The following DHRS11 variants were observed in gnomAD, a reference collection of about 807,000 sequenced individuals.
The protein encoded by DHRS11 is dehydrogenase/reductase SDR family member 11.
Under a neutral mutation model 30.7 loss-of-function variants are expected in DHRS11, and 18 were observed. That is an observed-to-expected ratio of 0.59 (90% CI 0.41 to 0.87). The LOEUF (loss-of-function observed/expected upper bound fraction) is 0.87. Among genes scored for constraint, DHRS11 ranks in the 40% least tolerant of loss-of-function variants. DHRS11 has a pLI of 0.00. For synonymous variants in DHRS11, 123 were observed against 139.6 expected, an observed-to-expected ratio of 0.88 and a Z score of 0.84; for missense variants, 300 against 349.0, an observed-to-expected ratio of 0.86 and a Z score of 1.12.
intron 3 of DHRS11, 55 bp downstream of exon 3, chr17:36,598,312 G>A (rs371420429): frequency 5.7e-4 from 882 of 1,542,624 alleles, no homozygotes; most frequent in Non-Finnish European, 7.4e-4. Flanking sequence ...GTAATGTGCT[G>A]CAGCTCACCT....
intron 2 of DHRS11, chr17:36,597,821 A>G (rs1009044193): frequency 1.5e-5 from 6 of 395,188 alleles, no homozygotes; most frequent in South Asian, 2.8e-5. Context: ...ATGATTCCCT[A>G]TGGAATTAGA....
At position 36,599,994 on chromosome 17, in the gene DHRS11, C is replaced by T. The variant is rs1329584325; in HGVS notation, c.698C>T (p.Ala233Val). The change falls in exon 6 of 7, where the codon GCC (alanine) becomes GTC (valine). Residue 233 changes from alanine to valine, a missense_variant. Physicochemically the swap from Ala to Val is moderately conservative, Grantham distance 64. Transcript: ENST00000618403. Reference sequence around the variant, plus strand: ...CAGTGTCTCAAACCCGAGGATGTGGCCGAGGCTGTTATCTACGTCCTCAGC... The same window carrying T: ...CAGTGTCTCAAACCCGAGGATGTGGTCGAGGCTGTTATCTACGTCCTCAGC... Reference protein sequence around the residue: ...QMKCLKPEDVAEAVIYVLSTP... With the variant: ...QMKCLKPEDVVEAVIYVLSTP... 6.2e-7 allele frequency: 1 copy of T among 1,613,640 alleles called. No homozygotes were observed. Among genetic ancestry groups the T allele is most frequent in the Non-Finnish European group, 8.5e-7 (1 of 1,179,910 alleles).
chr17:36,595,837 T>G (rs977797969), intron 2 of DHRS11, among the ~76,000 whole-genome samples: 10 of 152,144 alleles, frequency 6.6e-5, no homozygotes, highest in Admixed American at 3.3e-4. Flanking sequence ...GCCTGGGTGC[T>G]TGGGAACGTG....
At chr17:36,593,397 T>G (rs1404576236) in intron 1 of DHRS11, among the ~76,000 whole-genome samples, 2 of 152,130 alleles carry the variant, frequency 1.3e-5, no homozygotes, top group African/African-American at 4.8e-5. Context: ...AGGAAGGCAG[T>G]GACAGGGAGA....
chr17:36,599,079 A>G, intron 4 of DHRS11, 29 bp downstream of exon 4: 1 of 1,605,570 alleles, frequency 6.2e-7, no homozygotes, highest in East Asian at 2.2e-5. Context: ...CCTGGTGGGC[A>G]CAGGGTGGCG....
chr17:36,598,750 G>C, intron 3 of DHRS11, 171 bp from the exon 4 acceptor site: 3 of 825,846 alleles, frequency 3.6e-6, no homozygotes, highest in Non-Finnish European at 5.5e-6. Context: ...TTCCAAAGCT[G>C]TTTGAATAAC....
intron 1 of DHRS11, among the ~76,000 whole-genome samples, chr17:36,593,829 C>T (rs978873773): frequency 2.0e-5 from 3 of 152,128 alleles, no homozygotes; most frequent in African/African-American, 7.2e-5. Flanking sequence ...CCCTCGCCCA[C>T]GTCTACACAG....
intron 1 of DHRS11, among the ~76,000 whole-genome samples, chr17:36,593,279 G>A (rs752749898): frequency 2.0e-5 from 3 of 152,214 alleles, no homozygotes; most frequent in Non-Finnish European, 2.9e-5. Context: ...CAGTCCCAGG[G>A]TGACTCCATG....
chr17:36,592,212 G>A lies in DHRS11; in HGVS notation c.147+56G>A. ...GGGCGGGTCGTTTCCCCGGAGTCGG[G>A]TTCACCTGCCCGCCACGCCGGGGCC... On this transcript the variant is annotated intron_variant, in intron 1 of 6. Coordinates refer to ENST00000618403, the MANE Select transcript of DHRS11 (RefSeq NM_024308.4). This position sits in a 1 kb window ranked among gnomAD's most constrained non-coding sequence, Gnocchi z 4.4. 8.1e-6 allele frequency: 10 copies of A among 1,238,144 alleles called. No homozygotes were observed. Among genetic ancestry groups the A allele is most frequent in the Non-Finnish European group, 1.0e-5 (10 of 990,850 alleles). The allele number at this position is 1,238,144 out of a possible 1,614,324, so 76.7% of individuals were successfully genotyped here. A position where few individuals can be genotyped will look rare whatever the true frequency, so the allele number is the denominator to read the frequency against.
Position 36,600,598 on chromosome 17 carries a change from A to C in DHRS11, c.*395A>C. ...GCCTTCACCTTATATCTGTGTTGTT[A>C]TCCAGGGCTCCAGACTTCCTCCTCT... On this transcript the variant is annotated 3_prime_UTR_variant, in exon 7 of 7. Transcript: ENST00000618403. 1 of 305,502 alleles carries C rather than the reference A, an allele frequency of 3.3e-6. No homozygotes were observed. Among genetic ancestry groups the C allele is most frequent in the Non-Finnish European group, 6.2e-6 (1 of 160,880 alleles). 18.9% of individuals were successfully genotyped at this position (305,502 alleles called of 1,614,324 possible).
chr17:36,592,071 G>A lies in DHRS11; in HGVS notation c.62G>A (p.Gly21Glu). 6.4e-6 allele frequency: 8 copies of A among 1,240,420 alleles called. No individual in the cohort carries two copies. Among genetic ancestry groups the A allele is most frequent in the Non-Finnish European group, 8.1e-6 (8 of 991,614 alleles). The allele number at this position is 1,240,420 out of a possible 1,614,324, so 76.8% of individuals were successfully genotyped here. ...CTGGCGCTGGTGACGGGGGCCTCGG[G>A]GGGCATCGGCGCGGCCGTGGCCCGG... ...DRLALVTGASGGIGAAVARAL... is the reference protein window; with the variant it reads ...DRLALVTGASEGIGAAVARAL... Residue 21 changes from glycine (G) to glutamate (E), a missense_variant, in exon 1 of 7, where the codon GGG (glycine) becomes GAG (glutamate). Transcript: ENST00000618403. This position sits in a 1 kb window ranked among gnomAD's most constrained non-coding sequence, Gnocchi z 4.4.
intron 1 of DHRS11, chr17:36,594,727 T>G: frequency 1.7e-6 from 1 of 586,948 alleles, no homozygotes; most frequent in South Asian, 2.1e-5. Flanking sequence ...GACTTGAGTT[T>G]ATAGTGAGGT....
At chr17:36,598,321 C>A in intron 3 of DHRS11, 64 bp downstream of exon 3, 1 of 1,497,668 alleles carries the variant, frequency 6.7e-7, no homozygotes, top group South Asian at 1.1e-5. Flanking sequence ...TGCAGCTCAC[C>A]TGACCTCTTT....
At chr17:36,596,085 G>A (rs1051618831) in intron 2 of DHRS11, among the ~76,000 whole-genome samples, 4 of 152,178 alleles carry the variant, frequency 2.6e-5, no homozygotes, top group Admixed American at 2.0e-4. Context: ...GGTGTGTGAG[G>A]AAGCACACAG....
intron 3 of DHRS11, 154 bp from the exon 4 acceptor site, chr17:36,598,767 T>A: frequency 1.0e-6 from 1 of 993,378 alleles, no homozygotes; most frequent in Admixed American, 2.7e-5. Flanking sequence ...TAACCAAAAT[T>A]AGATTAGTGA....
chr17:36,592,022 G>A lies in DHRS11; in HGVS notation c.13G>A (p.Gly5Ser). The change falls in exon 1 of 7, where the codon GGC (glycine) becomes AGC (serine). Residue 5 changes from glycine to serine, a missense_variant. By Grantham distance (56) the Gly-to-Ser change is moderately conservative (BLOSUM62 0). Transcript: ENST00000618403. This position sits in a 1 kb window ranked among gnomAD's most constrained non-coding sequence, Gnocchi z 4.4. Reference protein sequence around the residue: MARPGMERWRDRLAL... With the variant: MARPSMERWRDRLAL... ...GCGGCGTGGGCCCATGGCCAGGCCC[G>A]GCATGGAGCGGTGGCGCGACCGGCT... The A allele has an allele frequency of 8.1e-7, 1 of 1,229,556 alleles. No individual in the cohort carries two copies. The highest frequency in any genetic ancestry group is 1.6e-5 in the African/African-American group (1 of 64,276). 76.2% of individuals were successfully genotyped at this position (1,229,556 alleles called of 1,614,324 possible).
chr17:36,599,306 G>A, intron 4 of DHRS11: 1 of 604,698 alleles, frequency 1.7e-6, no homozygotes, highest in Non-Finnish European at 2.8e-6. Context: ...GCAAGGGACT[G>A]TGGGAAACCA....
At position 36,599,002 on chromosome 17, in the gene DHRS11, G is replaced by C. The variant is rs879068579; in HGVS notation, c.534G>C (p.Glu178Asp). 6.2e-7 allele frequency: 1 copy of C among 1,613,302 alleles called. No homozygotes were observed. Among genetic ancestry groups the C allele is most frequent in the South Asian group, 1.1e-5 (1 of 91,078 alleles). ...ATKYAVTALT[E>D]GLRQELREAQ... ...AGTATGCCGTCACTGCGCTGACAGA[G>C]GGACTGAGGCAAGAGCTTCGGGAGG... Residue 178 changes from glutamate (E) to aspartate (D), a missense_variant, in exon 4 of 7, where the codon GAG (glutamate) becomes GAC (aspartate). Coordinates refer to ENST00000618403, the MANE Select transcript of DHRS11 (RefSeq NM_024308.4).
chr17:36,593,736 G>T (rs1192786880), intron 1 of DHRS11, among the ~76,000 whole-genome samples: 1 of 152,194 alleles, frequency 6.6e-6, no homozygotes, highest in Admixed American at 6.5e-5. Flanking sequence ...TTTATTCCTG[G>T]CTCAGCTTGG....
Sources: gnomAD v4.1 joint callset for allele counts (sites outside exome capture counted in the v4.1 genomes callset) on GRCh38, gnomAD v4.1.1 for gene constraint, Gnocchi (gnomAD v3.1) non-coding constraint, MANE v1.5 for transcripts, NCBI Gene and HGNC (gene_info 2026-07-23, HGNC 2026-07-21) for gene names.